The following MSI2 variants were observed in gnomAD, a reference collection of about 807,000 sequenced individuals.
The protein encoded by MSI2 is RNA-binding protein Musashi homolog 2.
A neutral mutation model predicts 45.6 loss-of-function variants in MSI2; 17 were observed. That is an observed-to-expected ratio of 0.37 (90% confidence interval 0.26 to 0.56). MSI2 has a LOEUF of 0.56. Ranked by LOEUF, MSI2 falls within the 20% of genes least tolerant of loss-of-function variation. MSI2 has a pLI of 0.77. For missense variants in MSI2, 293 were observed against 444.2 expected (o/e 0.66, Z 3.06); for synonymous variants, 156 against 158.2 (o/e 0.99, Z 0.11).
chr17:57,399,625 A>G (rs904582890), intron 5 of MSI2, among the ~76,000 whole-genome samples: 1 of 152,046 alleles, frequency 6.6e-6, no homozygotes, highest in Non-Finnish European at 1.5e-5. Flanking sequence ...GTCAACCAGC[A>G]GGCTATGGTG....
intron 11 of MSI2, among the ~76,000 whole-genome samples, chr17:57,659,701 C>T (rs1334755170): frequency 1.3e-5 from 2 of 151,844 alleles, no homozygotes; most frequent in East Asian, 1.9e-4. Context: ...CCCAGGACAC[C>T]GGGCACAAGC....
intron 6 of MSI2, among the ~76,000 whole-genome samples, chr17:57,456,825 G>T (rs1165266405): frequency 6.6e-6 from 1 of 152,170 alleles, no homozygotes; most frequent in Non-Finnish European, 1.5e-5. Context: ...TGCCTTCTAG[G>T]TCATTCTCAA....
Position 57,680,828 on chromosome 17 carries a change from A to G in MSI2, c.*1311A>G, listed in dbSNP as rs1044551345. The G allele has an allele frequency of 4.8e-6, 1 of 207,188 alleles. No individual in the cohort carries two copies. The highest frequency in any genetic ancestry group is 2.3e-5 in the African/African-American group (1 of 43,764). 12.8% of individuals were successfully genotyped at this position (207,188 alleles called of 1,614,324 possible). Reference sequence around the variant, plus strand: ...ATATTTGATCATTTTCTATTGTCCAATCATTTCAGCACCTCCAAAGGTCCC... The same window carrying G: ...ATATTTGATCATTTTCTATTGTCCAGTCATTTCAGCACCTCCAAAGGTCCC... On this transcript the variant is annotated 3_prime_UTR_variant, in exon 14 of 14. Coordinates refer to ENST00000284073, the MANE Select transcript of MSI2 (RefSeq NM_138962.4).
intron 7 of MSI2, among the ~76,000 whole-genome samples, chr17:57,566,566 TG>T (rs1319915635): frequency 6.6e-6 from 1 of 152,040 alleles, no homozygotes; most frequent in East Asian, 1.9e-4. Context: ...TTACTAGATT[TG>T]TGTTGGTAGA....
chr17:57,674,294 G>GGGGGGGGGC, intron 11 of MSI2, among the ~76,000 whole-genome samples: 1 of 123,184 alleles, frequency 8.1e-6, no homozygotes, highest in Admixed American at 8.0e-5. Flanking sequence ...GTGGGGGTGG[G>GGGGGGGGGC]ATGGAGAATG....
rs578218315 is a variant in MSI2, at chr17:57,387,884, T to C, written c.313-13495T>C. Among the ~76,000 whole-genome samples the C allele has an allele frequency of 8.5e-5, 13 of 152,252 alleles. No homozygotes were observed. In the South Asian group the frequency reaches 2.7e-3, roughly 32 times the overall value. On this transcript the variant is annotated intron_variant, in intron 5 of 13. Coordinates refer to ENST00000284073, the MANE Select transcript of MSI2 (RefSeq NM_138962.4). Reference sequence around the variant, plus strand: ...TTGTGTGCCTGTCATTGCAGTCCATTCCAAATAAGCATGTTTCATGTGTTA... The same window carrying C: ...TTGTGTGCCTGTCATTGCAGTCCATCCCAAATAAGCATGTTTCATGTGTTA...
chr17:57,594,876 T>C (rs1312538287), intron 7 of MSI2, among the ~76,000 whole-genome samples: 1 of 152,038 alleles, frequency 6.6e-6, no homozygotes, highest in South Asian at 2.1e-4. Context: ...TGCTGCCTTA[T>C]GTATCTACAA....
intron 5 of MSI2, among the ~76,000 whole-genome samples, chr17:57,331,288 C>T (rs1267087801): frequency 6.6e-6 from 1 of 152,184 alleles, no homozygotes; most frequent in Admixed American, 6.5e-5. Flanking sequence ...ACACACTGTC[C>T]AGTCTTCTGT....
chr17:57,259,725 G>A (rs566570015), intron 4 of MSI2, among the ~76,000 whole-genome samples: 3 of 152,144 alleles, frequency 2.0e-5, no homozygotes, highest in South Asian at 4.1e-4. Context: ...CCTTGATTTC[G>A]TGGCTAGCCA....
At chr17:57,534,425 G>C (rs1172565881) in intron 7 of MSI2, among the ~76,000 whole-genome samples, 3 of 152,184 alleles carry the variant, frequency 2.0e-5, no homozygotes, top group African/African-American at 7.2e-5. Flanking sequence ...TTAAAACCTG[G>C]ATGCCAGTCG....
chr17:57,646,171 T>C (rs1447543481), intron 10 of MSI2, among the ~76,000 whole-genome samples: 1 of 152,070 alleles, frequency 6.6e-6, no homozygotes, highest in African/African-American at 2.4e-5. Flanking sequence ...TGTGACTGAG[T>C]CCCTGCCCTA....
chr17:57,472,893 C>T (rs2085466299), intron 6 of MSI2, among the ~76,000 whole-genome samples: 1 of 151,430 alleles, frequency 6.6e-6, no homozygotes, highest in Non-Finnish European at 1.5e-5. Context: ...CTTTTCTTTT[C>T]TTTCTTTTTT....
chr17:57,358,223 GT>G (rs1916582486), intron 5 of MSI2, among the ~76,000 whole-genome samples: 2 of 152,080 alleles, frequency 1.3e-5, no homozygotes, highest in African/African-American at 4.8e-5. Context: ...GTGTGTGTGT[GT>G]GTGTTTATGG....
chr17:57,302,783 C>G (rs374606749), intron 5 of MSI2, among the ~76,000 whole-genome samples: 1 of 152,168 alleles, frequency 6.6e-6, no homozygotes, highest in East Asian at 1.9e-4. Context: ...TTGAGGGGAG[C>G]ATTTTATTAC....
At chr17:57,590,472 T>G (rs1904722750) in intron 7 of MSI2, among the ~76,000 whole-genome samples, 1 of 152,244 alleles carries the variant, frequency 6.6e-6, no homozygotes, top group Non-Finnish European at 1.5e-5. Flanking sequence ...TATTTAGTTT[T>G]GTTCATTTGG....
chr17:57,657,490 C>T (rs1474557338), intron 11 of MSI2, among the ~76,000 whole-genome samples: 1 of 152,162 alleles, frequency 6.6e-6, no homozygotes, highest in Non-Finnish European at 1.5e-5. Context: ...TCTGGTTCTG[C>T]TAGGAAAATG....
chr17:57,688,546 C>G (rs145731397), downstream of MSI2, among the ~76,000 whole-genome samples: 2 of 151,906 alleles, frequency 1.3e-5, no homozygotes, highest in Non-Finnish European at 2.9e-5. Context: ...ACAGGTAACC[C>G]CAGAATCTAA....
chr17:57,588,768 A>G (rs1904548701), intron 7 of MSI2, among the ~76,000 whole-genome samples: 1 of 152,216 alleles, frequency 6.6e-6, no homozygotes, highest in African/African-American at 2.4e-5. Context: ...TTACAGGGAA[A>G]CATGACAGAG....
At chr17:57,366,583 C>A (rs1917211287) in intron 5 of MSI2, among the ~76,000 whole-genome samples, 1 of 152,228 alleles carries the variant, frequency 6.6e-6, no homozygotes, top group African/African-American at 2.4e-5. Flanking sequence ...GGGCTCAGGA[C>A]CTCACTGGGT....
Sources: gnomAD v4.1 joint callset for allele counts (sites outside exome capture counted in the v4.1 genomes callset) on GRCh38, gnomAD v4.1.1 for gene constraint, MANE v1.5 for transcripts, NCBI Gene and HGNC (gene_info 2026-07-23, HGNC 2026-07-21) for gene names.